GLCCI1: variants seen among roughly 807,000 people sequenced by gnomAD.
GLCCI1 encodes glucocorticoid induced 1, also known as glucocorticoid-induced transcript 1 protein.
A neutral mutation model predicts 52.2 loss-of-function variants in GLCCI1; 24 were observed. The observed-to-expected ratio is 0.46, with a 90% confidence interval of 0.33 to 0.65. The LOEUF (loss-of-function observed/expected upper bound fraction) is 0.65. GLCCI1 is among the 30% of genes least tolerant of loss of function. The pLI is 0.02. For missense variants in GLCCI1, 704 were observed against 701.5 expected, an observed-to-expected ratio of 1.00 and a Z score of -0.04; for synonymous variants, 310 against 276.5, an observed-to-expected ratio of 1.12 and a Z score of -1.20.
At chr7:8,044,630 C>A (rs1562440302) in intron 3 of GLCCI1, among the ~76,000 whole-genome samples, 1 of 152,198 alleles carries the variant, frequency 6.6e-6, no homozygotes, top group Non-Finnish European at 1.5e-5. Flanking sequence ...CTCTGCCTCT[C>A]AAAGTGCTAA....
chr7:8,055,708 G>T (rs972613745), intron 4 of GLCCI1, 159 bp downstream of exon 4: 4 of 524,588 alleles, frequency 7.6e-6, no homozygotes, highest in Non-Finnish European at 1.3e-5. Context: ...GCAGCCGGGC[G>T]GCCGGCCTTG....
chr7:8,062,902 T>C (rs1584012003), intron 5 of GLCCI1, among the ~76,000 whole-genome samples: 1 of 152,296 alleles, frequency 6.6e-6, no homozygotes, highest in East Asian at 1.9e-4. Context: ...TGTATGTTTG[T>C]TATTGTAAAC....
At chr7:8,071,240 T>A (rs1041277207) in intron 6 of GLCCI1, 109 bp downstream of exon 6, 1 of 857,352 alleles carries the variant, frequency 1.2e-6, no homozygotes. Context: ...GGTGACATTG[T>A]CAAAGATTGG....
At chr7:8,072,083 T>C (rs142193773) in intron 6 of GLCCI1, among the ~76,000 whole-genome samples, 3 of 152,290 alleles carry the variant, frequency 2.0e-5, no homozygotes, top group Non-Finnish European at 2.9e-5. Flanking sequence ...AGTATAGATA[T>C]AGAAGATTTT....
intron 1 of GLCCI1, among the ~76,000 whole-genome samples, chr7:7,972,520 C>G (rs1780373843): frequency 6.6e-6 from 1 of 152,164 alleles, no homozygotes; most frequent in South Asian, 2.1e-4. Flanking sequence ...TGCATTTCAT[C>G]TGGAGTGATG....
intron 6 of GLCCI1, among the ~76,000 whole-genome samples, chr7:8,083,100 A>G (rs1383113179): frequency 3.9e-5 from 6 of 152,316 alleles, no homozygotes; most frequent in South Asian, 4.1e-4. Context: ...ATCTCATGCC[A>G]TATCTACTTG....
chr7:7,987,975 TA>T (rs1375010096), intron 1 of GLCCI1, among the ~76,000 whole-genome samples: 6 of 152,164 alleles, frequency 3.9e-5, no homozygotes, highest in African/African-American at 1.4e-4. Flanking sequence ...CTCATGATAT[TA>T]AATTGAGAAC....
At position 7,974,709 on chromosome 7, in the gene GLCCI1, A is replaced by T. The variant is rs115194310; in HGVS notation, c.457+4902A>T. Among the ~76,000 whole-genome samples the T allele has an allele frequency of 8.1e-3, 1,237 of 152,294 alleles. 22 individuals are homozygous for T. Among genetic ancestry groups the T allele is most frequent in the African/African-American group, 0.028 (1,169 of 41,568 alleles). On this transcript the variant is annotated intron_variant, in intron 1 of 7. Coordinates refer to ENST00000223145, the MANE Select transcript of GLCCI1 (RefSeq NM_138426.4). ...TTAAAAAATTCTAAAAGTCTGTTTT[A>T]TTAAAATGTTCACAGGTAGTTAATA...
chr7:8,030,992 T>C (rs1224045067), intron 3 of GLCCI1, among the ~76,000 whole-genome samples: 1 of 151,978 alleles, frequency 6.6e-6, no homozygotes, highest in Non-Finnish European at 1.5e-5. Context: ...TTCTTTAAAA[T>C]CTTGAAAATA....
intron 3 of GLCCI1, among the ~76,000 whole-genome samples, chr7:8,046,735 A>T (rs1359455604): frequency 1.3e-5 from 2 of 152,116 alleles, no homozygotes; most frequent in Admixed American, 6.5e-5. Context: ...AATGTATAAA[A>T]CCAAGCTGTG....
At chr7:8,012,432 C>CTTTTTTTCTTTT (rs1781283030) in intron 2 of GLCCI1, among the ~76,000 whole-genome samples, 1 of 70,396 alleles carries the variant, frequency 1.4e-5, no homozygotes, top group African/African-American at 5.7e-5. Context: ...CCTTTTTATT[C>CTTTTTTTCTTTT]TTTTTTTTTT....
intron 5 of GLCCI1, among the ~76,000 whole-genome samples, chr7:8,061,514 A>G (rs896136411): frequency 3.9e-5 from 6 of 152,150 alleles, no homozygotes; most frequent in African/African-American, 1.4e-4. Context: ...TAAAATCTTG[A>G]TGAATATTGC....
chr7:8,081,284 A>C (rs1782988812), intron 6 of GLCCI1, among the ~76,000 whole-genome samples: 1 of 152,198 alleles, frequency 6.6e-6, no homozygotes, highest in Admixed American at 6.5e-5. Flanking sequence ...TGATCTTTTT[A>C]AAACATCTGA....
At chr7:8,042,930 G>T (rs149925565) in intron 3 of GLCCI1, among the ~76,000 whole-genome samples, 6 of 152,266 alleles carry the variant, frequency 3.9e-5, no homozygotes, top group African/African-American at 1.4e-4. Context: ...AAGAAATCTG[G>T]TATGAAAGGA....
intron 2 of GLCCI1, among the ~76,000 whole-genome samples, chr7:8,013,392 T>G (rs1583972038): frequency 6.6e-6 from 1 of 152,190 alleles, no homozygotes; most frequent in Admixed American, 6.5e-5. Context: ...ATTTCCATTC[T>G]TATTTGGATC....
Position 8,042,130 on chromosome 7 carries a change from T to G in GLCCI1, c.697-13303T>G, listed in dbSNP as rs76153086. Among the ~76,000 whole-genome samples, 476 of 152,312 alleles carry G rather than the reference T, an allele frequency of 3.1e-3. 14 individuals carry two copies. The East Asian group carries it at 0.081, about 26-fold the overall frequency. Reference sequence around the variant, plus strand: ...TACTGCTTATTGACAATTTGCCTGGTCACCCAAAAGCTCCGATGGGGATAT... The same window carrying G: ...TACTGCTTATTGACAATTTGCCTGGGCACCCAAAAGCTCCGATGGGGATAT... On this transcript the variant is annotated intron_variant, in intron 3 of 7. Transcript: ENST00000223145.
intron 1 of GLCCI1, among the ~76,000 whole-genome samples, chr7:7,998,306 T>A (rs1267395568): frequency 6.6e-6 from 1 of 151,968 alleles, no homozygotes; most frequent in Non-Finnish European, 1.5e-5. Context: ...AACCTCCGCC[T>A]TTCGGGTCAA....
chr7:8,002,184 A>G (rs996370701), intron 1 of GLCCI1, among the ~76,000 whole-genome samples: 10 of 152,268 alleles, frequency 6.6e-5, no homozygotes, highest in Admixed American at 3.9e-4. Context: ...AAATAAAGAG[A>G]ATTTTTAGAA....
chr7:8,083,204 G>A (rs1783034746), intron 6 of GLCCI1, among the ~76,000 whole-genome samples: 1 of 152,144 alleles, frequency 6.6e-6, no homozygotes, highest in African/African-American at 2.4e-5. Context: ...TATGTAGTGT[G>A]AAATATGCAC....
Sources: gnomAD v4.1 joint callset for allele counts (sites outside exome capture counted in the v4.1 genomes callset) on GRCh38, gnomAD v4.1.1 for gene constraint, MANE v1.5 for transcripts, NCBI Gene and HGNC (gene_info 2026-07-23, HGNC 2026-07-21) for gene names.